The following ARHGAP12 variants were observed in gnomAD, a reference collection of about 807,000 sequenced individuals.
The protein encoded by ARHGAP12 is rho GTPase-activating protein 12.
Under a neutral mutation model 108.6 loss-of-function variants are expected in ARHGAP12, and 64 were observed. The observed-to-expected ratio is 0.59, with a 90% CI of 0.48 to 0.73. ARHGAP12 has a LOEUF of 0.73. Ranked by LOEUF, ARHGAP12 falls within the 30% of genes least tolerant of loss-of-function variation. ARHGAP12 has a pLI of 0.00. For missense variants in ARHGAP12, 940 were observed against 1,005.9 expected (o/e 0.93, Z 0.89); for synonymous variants, 312 against 337.2 (o/e 0.93, Z 0.82).
At chr10:31,825,893 T>C (rs1835587550) in intron 11 of ARHGAP12, among the ~76,000 whole-genome samples, 1 of 152,192 alleles carries the variant, frequency 6.6e-6, no homozygotes, top group African/African-American at 2.4e-5. Flanking sequence ...CCTCAATCAC[T>C]GATTTGTAAC....
chr10:31,902,989 A>T (rs558999222), intron 3 of ARHGAP12, among the ~76,000 whole-genome samples: 1 of 152,336 alleles, frequency 6.6e-6, no homozygotes, highest in South Asian at 2.1e-4. Context: ...TCAAGCAAAA[A>T]GATATTCTGC....
chr10:31,886,930 C>T (rs974979413), intron 3 of ARHGAP12, among the ~76,000 whole-genome samples: 1 of 152,182 alleles, frequency 6.6e-6, no homozygotes, highest in African/African-American at 2.4e-5. Flanking sequence ...AGGCCTTTCT[C>T]TTACAGTATC....
At chr10:31,897,534 T>A (rs190821422) in intron 3 of ARHGAP12, among the ~76,000 whole-genome samples, 1 of 152,110 alleles carries the variant, frequency 6.6e-6, no homozygotes, top group African/African-American at 2.4e-5. Context: ...AAATCTTAGA[T>A]ACTTAGTATC....
At chr10:31,885,760 A>G (rs1838165716) in intron 3 of ARHGAP12, among the ~76,000 whole-genome samples, 3 of 151,860 alleles carry the variant, frequency 2.0e-5, no homozygotes, top group African/African-American at 7.3e-5. Context: ...CAGAGGTTGC[A>G]GTGAGCCAAG....
intron 7 of ARHGAP12, among the ~76,000 whole-genome samples, chr10:31,841,516 G>A (rs377066467): frequency 9.9e-5 from 15 of 152,260 alleles, no homozygotes; most frequent in African/African-American, 3.1e-4. Context: ...TCTAGCCCCA[G>A]CTTCCAGTCA....
At chr10:31,848,608 TTTATTTGAA>T (rs1457789762) in intron 6 of ARHGAP12, among the ~76,000 whole-genome samples, 1 of 152,226 alleles carries the variant, frequency 6.6e-6, no homozygotes, top group Non-Finnish European at 1.5e-5. Flanking sequence ...GACTGCATTT[TTTATTTGAA>T]TAACTATGTT....
intron 4 of ARHGAP12, among the ~76,000 whole-genome samples, chr10:31,858,097 G>A (rs1199341574): frequency 6.6e-6 from 1 of 152,154 alleles, no homozygotes; most frequent in African/African-American, 2.4e-5. Flanking sequence ...CCAGCTACCT[G>A]GGAGTCTGAA....
At chr10:31,862,527 G>A (rs1230486610) in intron 3 of ARHGAP12, among the ~76,000 whole-genome samples, 2 of 152,132 alleles carry the variant, frequency 1.3e-5, no homozygotes, top group African/African-American at 4.8e-5. Flanking sequence ...ACCTGCTTAT[G>A]TTATGTATTT....
chr10:31,869,195 T>C (rs1013989310), intron 3 of ARHGAP12, among the ~76,000 whole-genome samples: 2 of 152,124 alleles, frequency 1.3e-5, no homozygotes, highest in Non-Finnish European at 2.9e-5. Flanking sequence ...AAGAACCTTG[T>C]TCATGAATTG....
Position 31,921,763 on chromosome 10 carries a change from C to CAAAAAAAA in ARHGAP12, c.-111+6912_-111+6919dup, listed in dbSNP as rs57420280. Reference sequence around the variant, plus strand: ...TGGGTGACAGAGCAAGGCTCCATCTCAAAAAAAAAAAAAAAAAAAAAAAAA... The same window carrying CAAAAAAAA: ...TGGGTGACAGAGCAAGGCTCCATCTCAAAAAAAAAAAAAAAAAAAAAAAAAAAAAAAAA... On this transcript the variant is annotated intron_variant, in intron 1 of 19. Coordinates refer to ENST00000344936, the MANE Select transcript of ARHGAP12 (RefSeq NM_018287.7). 4.7e-4 allele frequency among the ~76,000 whole-genome samples: 18 copies of CAAAAAAAA among 37,930 alleles called. 1 individual carries two copies. Among genetic ancestry groups the CAAAAAAAA allele is most frequent in the African/African-American group, 1.4e-3 (17 of 11,766 alleles). The allele number at this position is 37,930 out of a possible 152,430, so 24.9% of individuals were successfully genotyped here.
chr10:31,918,948 A>G (rs1379358123), intron 1 of ARHGAP12, among the ~76,000 whole-genome samples: 1 of 152,252 alleles, frequency 6.6e-6, no homozygotes, highest in Non-Finnish European at 1.5e-5. Flanking sequence ...TGTTCACAGC[A>G]GCATTAATCA....
Position 31,908,554 on chromosome 10 carries a change from T to C in ARHGAP12, c.302A>G (p.Gln101Arg), listed in dbSNP as rs1366119159. 2 of 1,614,236 alleles carry C rather than the reference T, an allele frequency of 1.2e-6. No homozygotes were observed. Among genetic ancestry groups the C allele is most frequent in the Non-Finnish European group, 1.7e-6 (2 of 1,180,036 alleles). The stretch of plus-strand genomic sequence containing the variant: ...TTTGTTCACATTTTCTGTTGATCTC[T>C]GAAGATGCAAACTCTGCATTATTTT... Reference protein sequence around the residue: ...STKIMQSLHLQRSTENVNKLP... With the variant: ...STKIMQSLHLRRSTENVNKLP... Residue 101 changes from glutamine to arginine, a missense_variant, in exon 3 of 20, where the codon CAG becomes CGG. By Grantham distance (43) the Gln-to-Arg change is conservative (BLOSUM62 1). Transcript: ENST00000344936.
chr10:31,815,126 AAAAAAAAAAAGAAAGAAAG>A (rs1306212349), intron 13 of ARHGAP12, among the ~76,000 whole-genome samples: 93 of 151,418 alleles, frequency 6.1e-4, no homozygotes, highest in African/African-American at 2.2e-3. Context: ...GTCTCAAAAA[AAAAAAAAAAAGAAAGAAAG>A]AAAAAAAAGA....
At chr10:31,815,360 T>C (rs1835168336) in intron 13 of ARHGAP12, among the ~76,000 whole-genome samples, 1 of 152,182 alleles carries the variant, frequency 6.6e-6, no homozygotes, top group African/African-American at 2.4e-5. Context: ...TCCTCTACAG[T>C]GCTCTATCTG....
chr10:31,872,441 T>C (rs1398863237), intron 3 of ARHGAP12, among the ~76,000 whole-genome samples: 1 of 152,174 alleles, frequency 6.6e-6, no homozygotes, highest in Admixed American at 6.5e-5. Flanking sequence ...CTAATTCAAA[T>C]AATACTATCA....
chr10:31,839,778 A>G (rs1054499527), intron 7 of ARHGAP12, 67 bp from the exon 8 acceptor site: 2 of 1,307,644 alleles, frequency 1.5e-6, no homozygotes, highest in Admixed American at 4.1e-5. Context: ...CTCTACTCAC[A>G]GTGGGAGAGC....
At chr10:31,831,934 C>G in intron 9 of ARHGAP12, 134 bp from the exon 10 acceptor site, 5 of 466,970 alleles carry the variant, frequency 1.1e-5, no homozygotes, top group Non-Finnish European at 1.9e-5. Context: ...GTGTAACATG[C>G]GTAGTTCTAG....
chr10:31,926,124 G>A (rs1001527616), intron 1 of ARHGAP12, among the ~76,000 whole-genome samples: 2 of 152,234 alleles, frequency 1.3e-5, no homozygotes, highest in South Asian at 4.1e-4. Flanking sequence ...TGATTCCTAT[G>A]CACGTTAAAA....
intron 3 of ARHGAP12, among the ~76,000 whole-genome samples, chr10:31,893,172 A>G (rs1401751803): frequency 2.0e-5 from 3 of 152,224 alleles, no homozygotes; most frequent in Non-Finnish European, 2.9e-5. Context: ...TTGACACCCT[A>G]ACATCACAAT....
Sources: allele counts gnomAD v4.1 joint callset (sites outside exome capture counted in the v4.1 genomes callset), GRCh38; gene constraint gnomAD v4.1.1; transcripts MANE v1.5; gene names NCBI Gene and HGNC (gene_info 2026-07-23, HGNC 2026-07-21).